DIAPH1: variants seen among roughly 807,000 people sequenced by gnomAD.
DIAPH1 encodes the protein diaphanous related formin 1.
Under a neutral mutation model 140.7 loss-of-function variants are expected in DIAPH1, and 46 were observed. The ratio of observed to expected loss-of-function variants is 0.33; its 90% CI spans 0.26 to 0.42. The LOEUF is 0.42. Among genes scored for constraint, DIAPH1 ranks in the 10% least tolerant of loss-of-function variants. The pLI is 1.00. For missense variants in DIAPH1, 1,310 were observed against 1,558.7 expected (o/e 0.84, Z 2.69); for synonymous variants, 565 against 551.6 (o/e 1.02, Z -0.34).
rs897850069 is a variant in DIAPH1 at position 141,576,270 on chromosome 5, A to C, written c.1421T>G (p.Val474Gly). 2 of 1,614,022 alleles carry C rather than the reference A, an allele frequency of 1.2e-6. No homozygotes were observed. Among genetic ancestry groups the C allele is most frequent in the African/African-American group, 1.3e-5 (1 of 75,052 alleles). Residue 474 changes from valine to glycine, a missense_variant, in exon 14 of 28, where the codon GTG (valine) becomes GGG (glycine). Transcript: ENST00000389054. ...LIDQMIDKTK[V>G]EKSEAKAAEL... ...TGCAGCTTTGGCTTCAGATTTCTCCACCTTTGTCTTATCAATCATTTGATC... is the reference window on the plus strand; with the variant it reads ...TGCAGCTTTGGCTTCAGATTTCTCCCCCTTTGTCTTATCAATCATTTGATC...
At chr5:141,584,030 A>T in intron 4 of DIAPH1, 94 bp downstream of exon 4, 1 of 744,116 alleles carries the variant, frequency 1.3e-6, no homozygotes, top group African/African-American at 1.7e-5. Context: ...GAATTGATGC[A>T]GACATAAAAT....
intron 18 of DIAPH1, among the ~76,000 whole-genome samples, chr5:141,554,856 A>G (rs1338522639): frequency 6.6e-6 from 1 of 152,214 alleles, no homozygotes; most frequent in East Asian, 1.9e-4. Context: ...TTCAGAATAA[A>G]TAGTCTTAGC....
intron 20 of DIAPH1, 79 bp from the exon 21 acceptor site, chr5:141,529,352 A>C: frequency 8.8e-7 from 1 of 1,132,122 alleles, no homozygotes; most frequent in South Asian, 1.3e-5. Flanking sequence ...CTCTGTTGTC[A>C]GTCCCACACT....
At chr5:141,594,033 C>T (rs137868773) in intron 1 of DIAPH1, among the ~76,000 whole-genome samples, 3,477 of 152,222 alleles carry the variant, frequency 0.023, 53 homozygotes, top group East Asian at 0.047. Context: ...TGACCTCAAG[C>T]GATCTGCCCA....
Position 141,525,610 on chromosome 5 carries a change from T to C in DIAPH1, c.3574+428A>G, listed in dbSNP as rs1006197881. On this transcript the variant is annotated intron_variant, in intron 26 of 27. Transcript: ENST00000389054. ...CAACTGTGCTAAGGTACTAGGGACA[T>C]AGTACTTTGTGAAATAAGCAGAAAG... Among the ~76,000 whole-genome samples the C allele has an allele frequency of 1.4e-3, 210 of 152,152 alleles. 1 individual carries two copies. Among genetic ancestry groups the C allele is most frequent in the African/African-American group, 4.7e-3 (194 of 41,480 alleles).
intron 3 of DIAPH1, 115 bp downstream of exon 3, chr5:141,586,927 G>T: frequency 9.0e-7 from 1 of 1,116,948 alleles, no homozygotes; most frequent in Non-Finnish European, 1.4e-6. Context: ...AAAGTTCCAT[G>T]TTAAGCCTGG....
chr5:141,524,609 A>G (rs1282102647), intron 26 of DIAPH1: 2 of 337,364 alleles, frequency 5.9e-6, no homozygotes, highest in Non-Finnish European at 1.2e-5. Context: ...TTTATCCTAA[A>G]GTGTTTTGCC....
At position 141,526,524 on chromosome 5, in the gene DIAPH1, AG is replaced by A. The variant is rs2099887347; in HGVS notation, c.3274-64del. Reference sequence around the variant, plus strand: ...GAAGCAGACCCACTTCTCTAGCCCAAGGAATTACTCAAAGATGAGTACTGGC... The same window carrying A: ...GAAGCAGACCCACTTCTCTAGCCCAAGAATTACTCAAAGATGAGTACTGGC... On this transcript the variant is annotated intron_variant, in intron 24 of 27. Coordinates refer to ENST00000389054, the MANE Select transcript of DIAPH1 (RefSeq NM_005219.5). The A allele has an allele frequency of 2.5e-5, 40 of 1,600,724 alleles. No individual in the cohort carries two copies. The South Asian group carries it at 4.4e-4, about 18-fold the overall frequency.
chr5:141,562,634 C>G lies in DIAPH1; in HGVS notation c.2482+8794G>C, dbSNP rs541622349. On this transcript the variant is annotated intron_variant, in intron 18 of 27. Coordinates refer to ENST00000389054, the MANE Select transcript of DIAPH1 (RefSeq NM_005219.5). ...AAAAAAAAAAACAAACAAAAAAAAACAGATAACAGAGAAGCTGAAAGAAAA... is the reference window on the plus strand; with the variant it reads ...AAAAAAAAAAACAAACAAAAAAAAAGAGATAACAGAGAAGCTGAAAGAAAA... Among the ~76,000 whole-genome samples the G allele has an allele frequency of 8.6e-4, 112 of 130,576 alleles. 1 individual carries two copies. The highest frequency in any genetic ancestry group is 4.2e-3 in the Middle Eastern group (1 of 238). 85.7% of individuals were successfully genotyped at this position (130,576 alleles called of 152,430 possible).
chr5:141,529,517 G>A, intron 20 of DIAPH1, 86 bp downstream of exon 20: 4 of 1,137,190 alleles, frequency 3.5e-6, no homozygotes, highest in Non-Finnish European at 1.3e-6. Context: ...AATGCTGGAG[G>A]AGGATCCTCT....
chr5:141,538,878 C>CTACCAA (rs2099889505), intron 18 of DIAPH1, among the ~76,000 whole-genome samples: 1 of 152,184 alleles, frequency 6.6e-6, no homozygotes, highest in African/African-American at 2.4e-5. Context: ...AATAGTTTTT[C>CTACCAA]ATTAAAGATT....
At chr5:141,578,146 A>AG (rs1330868584) in intron 11 of DIAPH1, 79 bp downstream of exon 11, 44 of 1,082,716 alleles carry the variant, frequency 4.1e-5, no homozygotes, top group Admixed American at 6.7e-5. Context: ...ATCATCTCCC[A>AG]AACCATTCCA....
chr5:141,567,118 T>C (rs779923176), intron 18 of DIAPH1, among the ~76,000 whole-genome samples: 9 of 152,030 alleles, frequency 5.9e-5, no homozygotes, highest in African/African-American at 1.4e-4. Context: ...AATTAAACTA[T>C]GGGAGATGAA....
intron 1 of DIAPH1, among the ~76,000 whole-genome samples, chr5:141,598,757 T>G (rs962010594): frequency 6.6e-6 from 1 of 152,234 alleles, no homozygotes; most frequent in Non-Finnish European, 1.5e-5. Flanking sequence ...TCAAGCTAAT[T>G]AATAACTTAA....
chr5:141,580,755 C>T lies in DIAPH1; in HGVS notation c.813G>A (p.Gln271=), dbSNP rs2099896633. 6.2e-7 allele frequency: 1 copy of T among 1,613,968 alleles called. No homozygotes were observed. Among genetic ancestry groups the T allele is most frequent in the African/African-American group, 1.3e-5 (1 of 74,922 alleles). ...KLLSALCILP[Q]PEDMNERVLE... Reference sequence around the variant, plus strand: ...TTCCAGTCACATACATGTCCTCTGGCTGCGGTAGAATACAAAGAGCAGAAA... The same window carrying T: ...TTCCAGTCACATACATGTCCTCTGGTTGCGGTAGAATACAAAGAGCAGAAA... The change falls in exon 8 of 28, where the codon CAG becomes CAA. Residue 271 remains glutamine, a synonymous_variant. Transcript: ENST00000389054.
At position 141,525,902 on chromosome 5, in the gene DIAPH1, G is replaced by A. The variant is rs1242877992; in HGVS notation, c.3574+136C>T. On this transcript the variant is annotated intron_variant, in intron 26 of 27. Coordinates refer to ENST00000389054, the MANE Select transcript of DIAPH1 (RefSeq NM_005219.5). ...GAATTGGGGTTAAAGTCCGGCATCA[G>A]GATCTCGGAGTGAAGACTGCCAAAA... is the stretch of plus-strand genomic sequence containing the variant. 8 of 1,377,050 alleles carry A rather than the reference G, an allele frequency of 5.8e-6. No homozygotes were observed. The South Asian group carries it at 5.8e-5, about 10-fold the overall frequency. 85.3% of individuals were successfully genotyped at this position (1,377,050 alleles called of 1,614,324 possible).
Position 141,609,674 on chromosome 5 carries a change from T to C in DIAPH1, c.117+9124A>G, listed in dbSNP as rs530174961. 4.6e-5 allele frequency among the ~76,000 whole-genome samples: 7 copies of C among 152,354 alleles called. No homozygotes were observed. In the South Asian group the frequency reaches 1.5e-3, roughly 32 times the overall value. On this transcript the variant is annotated intron_variant, in intron 1 of 27. Coordinates refer to ENST00000389054, the MANE Select transcript of DIAPH1 (RefSeq NM_005219.5). Reference sequence around the variant, plus strand: ...CAACTGCTTTTATTACTGCTACTGTTGTTATTCCCTATCCTAGTCTGGAAT... The same window carrying C: ...CAACTGCTTTTATTACTGCTACTGTCGTTATTCCCTATCCTAGTCTGGAAT...
Position 141,582,403 on chromosome 5 carries a change from G to C in DIAPH1, c.621-28C>G, listed in dbSNP as rs756139929. On this transcript the variant is annotated intron_variant, in intron 6 of 27. Transcript: ENST00000389054. ...GTATATAGAAGACATAATCAGTGAG[G>C]TCCCTTTATTCTCTACCCCTTTCCC... 1.9e-5 allele frequency: 29 copies of C among 1,539,782 alleles called. No individual in the cohort carries two copies. The African/African-American group carries it at 3.8e-4, about 20-fold the overall frequency.
At chr5:141,536,171 G>C in intron 18 of DIAPH1, 7 of 358,654 alleles carry the variant, frequency 2.0e-5, no homozygotes, top group South Asian at 4.5e-5. Flanking sequence ...GCATGGTGGC[G>C]CGCACCTGTA....
Sources: allele counts gnomAD v4.1 joint callset (sites outside exome capture counted in the v4.1 genomes callset), GRCh38; gene constraint gnomAD v4.1.1; transcripts MANE v1.5; gene names NCBI Gene and HGNC (gene_info 2026-07-23, HGNC 2026-07-21).